Variants in GRHL1 observed in about 807,000 individuals in gnomAD.
GRHL1 encodes the protein grainyhead-like protein 1 homolog.
Under a neutral mutation model 75.7 loss-of-function variants are expected in GRHL1, and 38 were observed. That is an observed-to-expected ratio of 0.50 (90% CI 0.39 to 0.66). The LOEUF (loss-of-function observed/expected upper bound fraction) is 0.66. GRHL1 is among the 30% of genes least tolerant of loss of function. The probability of loss-of-function intolerance (pLI) is 0.00; values close to 1 mark genes in which losing one functional copy is unlikely to be tolerated. For synonymous variants in GRHL1, 266 were observed against 279.4 expected (o/e 0.95, Z 0.48); for missense variants, 589 against 767.5 (o/e 0.77, Z 2.75).
At chr2:9,969,943 C>T (rs903195737) in intron 8 of GRHL1, among the ~76,000 whole-genome samples, 2 of 150,812 alleles carry the variant, frequency 1.3e-5, no homozygotes, top group African/African-American at 2.4e-5. Flanking sequence ...CCCAGGTTCA[C>T]GCCATTCTCC....
At position 9,968,777 on chromosome 2, in the gene GRHL1, G is replaced by A. The variant is rs531070638; in HGVS notation, c.1110+3396G>A. Among the ~76,000 whole-genome samples the A allele has an allele frequency of 3.3e-5, 5 of 152,234 alleles. No homozygotes were observed. Among genetic ancestry groups the A allele is most frequent in the African/African-American group, 1.2e-4 (5 of 41,534 alleles). On this transcript the variant is annotated intron_variant, in intron 8 of 15. Transcript: ENST00000324907. The surrounding 1 kb of genome is among the most constrained non-coding windows in gnomAD (Gnocchi z 4.7). ...GATCAACATTTTCTCTGGAGCCAGC[G>A]ATGCAGCTTTGCAGGAATTCAGAAC... is the stretch of plus-strand genomic sequence containing the variant.
At chr2:9,995,344 C>G (rs1321007212) in intron 12 of GRHL1, 1 of 152,254 alleles carries the variant, frequency 6.6e-6, no homozygotes, top group Non-Finnish European at 1.5e-5. Context: ...ATAATTCCAG[C>G]ACTTTGGGAG....
chr2:10,000,730 C>T lies in GRHL1; in HGVS notation c.*23C>T. 1 of 1,290,452 alleles carries T rather than the reference C, an allele frequency of 7.7e-7. No individual in the cohort carries two copies. The highest frequency in any genetic ancestry group is 1.2e-5 in the South Asian group (1 of 83,812). 79.9% of individuals were successfully genotyped at this position (1,290,452 alleles called of 1,614,324 possible). A position where few individuals can be genotyped will look rare whatever the true frequency, so the allele number is the denominator to read the frequency against. ...TAAAGGCCTGCGGGCCACAGCTCCC[C>T]AGGAGTTCAGTGCAGGTGTTTCTAG... On this transcript the variant is annotated 3_prime_UTR_variant, in exon 16 of 16. Transcript: ENST00000324907.
chr2:9,992,550 C>A lies in GRHL1; in HGVS notation c.1461+404C>A, dbSNP rs900924989. On this transcript the variant is annotated intron_variant, in intron 11 of 15. Transcript: ENST00000324907. This position sits in a 1 kb window ranked among gnomAD's most constrained non-coding sequence, Gnocchi z 4.6. Reference sequence around the variant, plus strand: ...ACATCCGAAGGCTTTTCTCACAGTTCCAGTTACTGAGCCGTCCTTGCCACG... The same window carrying A: ...ACATCCGAAGGCTTTTCTCACAGTTACAGTTACTGAGCCGTCCTTGCCACG... 1.3e-5 allele frequency among the ~76,000 whole-genome samples: 2 copies of A among 152,164 alleles called. No individual in the cohort carries two copies. The highest frequency in any genetic ancestry group is 2.9e-5 in the Non-Finnish European group (2 of 68,034).
chr2:9,974,535 G>T (rs867968703), intron 8 of GRHL1, among the ~76,000 whole-genome samples: 1 of 147,942 alleles, frequency 6.8e-6, no homozygotes, highest in African/African-American at 2.6e-5. Context: ...CGATACTGAT[G>T]TGGGCCAGCA....
At chr2:9,973,399 GT>G (rs1667817454) in intron 8 of GRHL1, among the ~76,000 whole-genome samples, 2 of 152,194 alleles carry the variant, frequency 1.3e-5, no homozygotes, top group Non-Finnish European at 2.9e-5. Context: ...ATCAGTGTTT[GT>G]TTGTTTATTT....
At chr2:9,962,842 C>G (rs1482354124) in intron 5 of GRHL1, among the ~76,000 whole-genome samples, 2 of 151,496 alleles carry the variant, frequency 1.3e-5, no homozygotes, top group East Asian at 3.9e-4. Flanking sequence ...GAGGTCCTTT[C>G]TGTTGCCAAA....
chr2:9,996,406 GT>G lies in GRHL1; in HGVS notation c.1677+6del. 1 of 1,571,894 alleles carries G rather than the reference GT, an allele frequency of 6.4e-7. No individual in the cohort carries two copies. The stretch of plus-strand genomic sequence containing the variant: ...TTGAAGGGCTTGATGGAAGCTGTAA[GT>G]AGGATCAACTCTGTAATCCCCTGTA... On this transcript the variant is annotated splice_donor_region_variant and intron_variant, in intron 14 of 15. Coordinates refer to ENST00000324907, the MANE Select transcript of GRHL1 (RefSeq NM_198182.3).
In GRHL1 at chr2:9,961,281, C is replaced by T; in HGVS notation, c.514C>T (p.Pro172Ser). The T allele has an allele frequency of 6.2e-7, 1 of 1,614,168 alleles. No homozygotes were observed. Among genetic ancestry groups the T allele is most frequent in the Non-Finnish European group, 8.5e-7 (1 of 1,180,014 alleles). Residue 172 changes from proline to serine, a missense_variant, in exon 4 of 16, where the codon CCA becomes TCA. Transcript: ENST00000324907. The part of the protein sequence containing the change: ...QPHGFAVGIP[P>S]AVYHPEPTER... ...ACATGGCTTCGCTGTGGGAATCCCCCCAGCAGTGTATCATCCTGAGCCCAC... is the reference window on the plus strand; with the variant it reads ...ACATGGCTTCGCTGTGGGAATCCCCTCAGCAGTGTATCATCCTGAGCCCAC...
rs905733368 is a variant in GRHL1 at position 9,968,238 on chromosome 2, A to G, written c.1110+2857A>G. On this transcript the variant is annotated intron_variant, in intron 8 of 15. Transcript: ENST00000324907. The surrounding 1 kb of genome is among the most constrained non-coding windows in gnomAD (Gnocchi z 4.7). The stretch of plus-strand genomic sequence containing the variant: ...CTTACACTGGCCCTGTGTGCACTCC[A>G]TTCATCACCATAAACATATGTCTGC... Among the ~76,000 whole-genome samples the G allele has an allele frequency of 7.2e-5, 11 of 152,232 alleles. No individual in the cohort carries two copies. The highest frequency in any genetic ancestry group is 2.2e-4 in the African/African-American group (9 of 41,464).
intron 8 of GRHL1, among the ~76,000 whole-genome samples, chr2:9,971,868 G>GT (rs1234658028): frequency 6.6e-6 from 1 of 152,204 alleles, no homozygotes; most frequent in Non-Finnish European, 1.5e-5. Flanking sequence ...GGGGGTGATT[G>GT]TGAGGATGAT....
At chr2:9,978,744 A>C (rs1207902365) in intron 8 of GRHL1, among the ~76,000 whole-genome samples, 1 of 152,128 alleles carries the variant, frequency 6.6e-6, no homozygotes, top group Non-Finnish European at 1.5e-5. Flanking sequence ...TAATCCCAGC[A>C]CTTTGGGAGG....
At chr2:9,965,056 C>A in intron 7 of GRHL1, 1 of 417,544 alleles carries the variant, frequency 2.4e-6, no homozygotes, top group South Asian at 6.6e-5. Flanking sequence ...CTTAAATTTC[C>A]TAATTGTGAC....
rs1196933338 is a variant in GRHL1, at chr2:9,996,347, A to C, written c.1623A>C (p.Glu541Asp). The change falls in exon 14 of 16, where the codon GAA becomes GAC. Residue 541 changes from glutamate (E) to aspartate (D), a missense_variant. Around this residue, in one of 5 missense-constraint regions of GRHL1, gnomAD observed 192 missense variants for 226.6 expected, o/e 0.85. Transcript: ENST00000324907. Reference protein sequence around the residue: ...VLLYVRKESEEVFDALMLKTP... With the variant: ...VLLYVRKESEDVFDALMLKTP... ...TCTACGTTCGAAAGGAGTCAGAAGA[A>C]GTCTTTGATGCCCTGATGCTCAAAA... The C allele has an allele frequency of 8.1e-6, 13 of 1,613,322 alleles. No homozygotes were observed. The highest frequency in any genetic ancestry group is 2.2e-5 in the East Asian group (1 of 44,890).
intron 1 of GRHL1, among the ~76,000 whole-genome samples, chr2:9,954,063 A>G (rs948618805): frequency 3.9e-5 from 6 of 152,244 alleles, no homozygotes; most frequent in African/African-American, 9.6e-5. Context: ...AATCTTCTGT[A>G]AGGTTTCACT....
Position 10,001,297 on chromosome 2 carries a change from CCTTT to C in GRHL1, c.*593_*596del, listed in dbSNP as rs1181228229. The stretch of plus-strand genomic sequence containing the variant: ...GCGACTTTCTCGGACATATCAACTG[CCTTT>C]CTCATGAAGAATTTTAATGGGTTAC... On this transcript the variant is annotated 3_prime_UTR_variant, in exon 16 of 16. Transcript: ENST00000324907. 2 of 152,588 alleles carry C rather than the reference CCTTT, an allele frequency of 1.3e-5. No homozygotes were observed. The highest frequency in any genetic ancestry group is 4.8e-5 in the African/African-American group (2 of 41,428). The allele number at this position is 152,588 out of a possible 1,614,324, so 9.5% of individuals were successfully genotyped here. A position where few individuals can be genotyped will look rare whatever the true frequency, so the allele number is the denominator to read the frequency against.
chr2:9,955,285 G>C (rs1320327702), intron 2 of GRHL1, among the ~76,000 whole-genome samples, 184 bp downstream of exon 2: 1 of 152,230 alleles, frequency 6.6e-6, no homozygotes, highest in African/African-American at 2.4e-5. Flanking sequence ...TAGAATCAAA[G>C]GGTTGTTTTT....
At chr2:9,988,082 A>T (rs1424504811) in intron 9 of GRHL1, among the ~76,000 whole-genome samples, 1 of 151,314 alleles carries the variant, frequency 6.6e-6, no homozygotes, top group Non-Finnish European at 1.5e-5. Flanking sequence ...GATGATGTTT[A>T]CTCTTTGTGT....
At chr2:9,957,413 A>AT (rs56139145) in intron 2 of GRHL1, among the ~76,000 whole-genome samples, 2,288 of 143,410 alleles carry the variant, frequency 0.016, 22 homozygotes, top group East Asian at 0.049. Flanking sequence ...ATGAAGCAGT[A>AT]TTTTTTTTTT....
Sources: gnomAD v4.1 joint callset for allele counts (sites outside exome capture counted in the v4.1 genomes callset) on GRCh38, gnomAD v4.1.1 for gene constraint, gnomAD v4.1.1 regional missense constraint, Gnocchi (gnomAD v3.1) non-coding constraint, MANE v1.5 for transcripts, NCBI Gene and HGNC (gene_info 2026-07-23, HGNC 2026-07-21) for gene names.